TMSB15B: variants seen among roughly 807,000 people sequenced by gnomAD.
The protein encoded by TMSB15B is thymosin beta 15B.
intron 1 of TMSB15B, among the ~76,000 whole-genome samples, chrX:103,927,284 G>A (rs1394454066): frequency 1.8e-5 from 2 of 112,087 alleles, no homozygotes; most frequent in African/African-American, 3.3e-5. Flanking sequence ...GCACTCAGCC[G>A]AAGCCAGGAA....
At chrX:103,943,263 T>TAAA (rs1556326079) in intron 1 of TMSB15B, among the ~76,000 whole-genome samples, 1 of 111,752 alleles carries the variant, frequency 8.9e-6, no homozygotes, top group East Asian at 2.8e-4. Context: ...TCTGGTACTT[T>TAAA]CAACACAAAG....
chrX:103,944,230 G>T (rs1468824021), intron 1 of TMSB15B, among the ~76,000 whole-genome samples: 1 of 111,886 alleles, frequency 8.9e-6, no homozygotes, highest in African/African-American at 3.2e-5. Context: ...AAGATCAGAG[G>T]GATGGATAAA....
At chrX:103,955,943 G>C (rs1397004489) in intron 1 of TMSB15B, among the ~76,000 whole-genome samples, 1 of 111,511 alleles carries the variant, frequency 9.0e-6, no homozygotes, top group African/African-American at 3.3e-5. Context: ...TAACAGCAAA[G>C]GTCTCAGCAG....
At chrX:103,936,434 A>T in intron 1 of TMSB15B, among the ~76,000 whole-genome samples, 1 of 111,891 alleles carries the variant, frequency 8.9e-6, no homozygotes, top group East Asian at 2.8e-4. Context: ...GAGTTTGCTC[A>T]TGATTTGGCT....
At chrX:103,927,333 G>A (rs1368478184) in intron 1 of TMSB15B, among the ~76,000 whole-genome samples, 1 of 112,216 alleles carries the variant, frequency 8.9e-6, no homozygotes. Flanking sequence ...CAGGGACCAA[G>A]AATAAAAAAT....
In TMSB15B at chrX:103,922,329, G is replaced by A. The variant is rs782192133; in HGVS notation, c.-721+3037G>A. Among the ~76,000 whole-genome samples, 9 of 106,094 alleles carry A rather than the reference G, an allele frequency of 8.5e-5. No homozygotes were observed. In the South Asian group the frequency reaches 3.6e-3, roughly 42 times the overall value. 92.1% of individuals were successfully genotyped at this position (106,094 alleles called of 115,157 possible). ...CCCATTAACTCGTCATTTACATTAG[G>A]TATATCTCCTAATGCTAACCCTCCC... On this transcript the variant is annotated intron_variant, in intron 1 of 3. Coordinates refer to the TMSB15B transcript ENST00000419165.
At chrX:103,950,502 C>A (rs782482908) in intron 1 of TMSB15B, among the ~76,000 whole-genome samples, 1 of 109,761 alleles carries the variant, frequency 9.1e-6, no homozygotes, top group Non-Finnish European at 1.9e-5. Flanking sequence ...TCCAACGAAG[C>A]CTTATATTGT....
chrX:103,924,932 C>T (rs1490396046), intron 1 of TMSB15B, among the ~76,000 whole-genome samples: 1 of 111,603 alleles, frequency 9.0e-6, no homozygotes, highest in African/African-American at 3.3e-5. Flanking sequence ...ATTTATGTTG[C>T]ACCTTCCCAT....
At chrX:103,919,345 G>C (rs1485829176) in intron 1 of TMSB15B, 1 of 112,497 alleles carries the variant, frequency 8.9e-6, no homozygotes, top group Non-Finnish European at 1.9e-5. Context: ...CTTCCGCCTC[G>C]GCTCTGCTCC....
chrX:103,955,776 AT>A (rs1556329035), intron 1 of TMSB15B, among the ~76,000 whole-genome samples: 1 of 111,542 alleles, frequency 9.0e-6, no homozygotes, highest in African/African-American at 3.3e-5. Flanking sequence ...CAACATTCAA[AT>A]TCAGCAAGTG....
intron 1 of TMSB15B, among the ~76,000 whole-genome samples, chrX:103,930,484 T>C (rs2074981582): frequency 9.0e-6 from 1 of 110,888 alleles, no homozygotes; most frequent in African/African-American, 3.3e-5. Context: ...GTAAAACTTA[T>C]TGAAAGCAGG....
intron 1 of TMSB15B, among the ~76,000 whole-genome samples, chrX:103,944,885 T>C (rs1467524895): frequency 8.9e-6 from 1 of 111,947 alleles, no homozygotes; most frequent in Non-Finnish European, 1.9e-5. Context: ...TTCAAGCGAT[T>C]CTCCTGCCTC....
chrX:103,927,315 G>C (rs1168459151), intron 1 of TMSB15B, among the ~76,000 whole-genome samples: 1 of 112,216 alleles, frequency 8.9e-6, no homozygotes, highest in Non-Finnish European at 1.9e-5. Flanking sequence ...ATCCTCCAAT[G>C]CACAGGACAG....
chrX:103,942,085 CT>C (rs1404933533), intron 1 of TMSB15B, among the ~76,000 whole-genome samples: 2 of 111,603 alleles, frequency 1.8e-5, no homozygotes, highest in African/African-American at 6.5e-5. Context: ...TTAATGATTT[CT>C]TTTGATAAAC....
chrX:103,947,769 AAAAC>A (rs2075029112), intron 1 of TMSB15B, among the ~76,000 whole-genome samples: 1 of 112,233 alleles, frequency 8.9e-6, no homozygotes, highest in Admixed American at 9.5e-5. Context: ...CAATATTTGA[AAAAC>A]AAACAACTTA....
At chrX:103,947,955 C>T (rs1369235584) in intron 1 of TMSB15B, among the ~76,000 whole-genome samples, 6 of 111,315 alleles carry the variant, frequency 5.4e-5, no homozygotes, top group Admixed American at 9.6e-5. Context: ...AACCAAACAC[C>T]GCATGTTCTC....
intron 1 of TMSB15B, chrX:103,929,027 A>G: frequency 8.8e-7 from 1 of 1,141,341 alleles, no homozygotes; most frequent in Non-Finnish European, 1.2e-6. Flanking sequence ...TAGCTGCAGA[A>G]AGTGTGGCCA....
rs782146149 is a variant in TMSB15B, at chrX:103,934,803, G to A, written c.-721+15511G>A. On this transcript the variant is annotated intron_variant, in intron 1 of 3. Transcript: ENST00000419165. Reference sequence around the variant, plus strand: ...GTGAATAGTGCTGCAGTAAACATACGTGTGCATGTGTCTTTGAAGTAGAAT... The same window carrying A: ...GTGAATAGTGCTGCAGTAAACATACATGTGCATGTGTCTTTGAAGTAGAAT... Among the ~76,000 whole-genome samples, 8 of 111,973 alleles carry A rather than the reference G, an allele frequency of 7.1e-5. No individual in the cohort carries two copies. In the South Asian group the frequency reaches 3.0e-3, roughly 42 times the overall value.
At chrX:103,942,964 G>T (rs1365122459) in intron 1 of TMSB15B, among the ~76,000 whole-genome samples, 1 of 111,232 alleles carries the variant, frequency 9.0e-6, no homozygotes, top group Non-Finnish European at 1.9e-5. Context: ...AACATATGTT[G>T]ATTAATATAA....
Sources: allele counts gnomAD v4.1 joint callset (sites outside exome capture counted in the v4.1 genomes callset), GRCh38; gene constraint gnomAD v4.1.1; transcripts MANE v1.5; gene names NCBI Gene and HGNC (gene_info 2026-07-23, HGNC 2026-07-21).